EFHB: variants seen among roughly 807,000 people sequenced by gnomAD.
EFHB encodes the protein EF-hand domain family member B.
In EFHB, 91 loss-of-function variants were observed where a neutral mutation model predicts 87.2. The observed-to-expected ratio is 1.04, with a 90% confidence interval of 0.88 to 1.24. The LOEUF is 1.24. Ranked by LOEUF, EFHB falls within the 50% of genes most tolerant of loss-of-function variation. The pLI, the probability that EFHB is intolerant of heterozygous loss-of-function variation, is 0.00. For synonymous variants in EFHB, 325 were observed against 333.6 expected, an observed-to-expected ratio of 0.97 and a Z score of 0.28; for missense variants, 1,084 against 998.8, an observed-to-expected ratio of 1.09 and a Z score of -1.15.
chr3:19,928,686 C>T (rs1695718063), intron 1 of EFHB, among the ~76,000 whole-genome samples: 2 of 152,216 alleles, frequency 1.3e-5, no homozygotes, highest in African/African-American at 4.8e-5. Flanking sequence ...CTCAGGTGAT[C>T]TGTCTGCCTT....
intron 6 of EFHB, among the ~76,000 whole-genome samples, chr3:19,904,887 T>C (rs1196472946): frequency 6.6e-6 from 1 of 152,190 alleles, no homozygotes; most frequent in Non-Finnish European, 1.5e-5. Flanking sequence ...TTTTTAAGCA[T>C]AACAAGATAT....
chr3:19,899,414 A>G lies in EFHB; in HGVS notation c.1502+18T>C. ...CTATGCAAAGAAACTATCAATTTGA[A>G]GTTAATCATTAACTTACGGATCTAA... On this transcript the variant is annotated intron_variant, in intron 7 of 12. Coordinates refer to ENST00000295824, the MANE Select transcript of EFHB (RefSeq NM_144715.4). 1.3e-6 allele frequency: 2 copies of G among 1,557,050 alleles called. No homozygotes were observed. The highest frequency in any genetic ancestry group is 8.7e-7 in the Non-Finnish European group (1 of 1,144,028).
intron 6 of EFHB, among the ~76,000 whole-genome samples, chr3:19,901,091 C>T (rs1349169332): frequency 1.3e-5 from 2 of 152,046 alleles, no homozygotes; most frequent in African/African-American, 2.4e-5. Flanking sequence ...CTGGCATATA[C>T]AGCAATATAT....
Position 19,933,634 on chromosome 3 carries a change from G to GTTC in EFHB, c.384_385insGAA (p.Pro128_Pro129insGlu), listed in dbSNP as rs781008700. On this transcript the variant is annotated inframe_insertion, in exon 1 of 13. Transcript: ENST00000295824. ...GAACTTCCACACACCCTGCCCAAAG[G>GTTC]AGGCTGTATTATCCGTTCATGGGTA... is the stretch of plus-strand genomic sequence containing the variant. The GTTC allele has an allele frequency of 5.0e-6, 8 of 1,613,824 alleles. No homozygotes were observed. In the East Asian group the frequency reaches 1.8e-4, roughly 36 times the overall value.
At chr3:19,898,990 C>T (rs1278861946) in intron 7 of EFHB, 145 bp from the exon 8 acceptor site, 1 of 733,150 alleles carries the variant, frequency 1.4e-6, no homozygotes, top group African/African-American at 1.8e-5. Flanking sequence ...TCCAATAGAT[C>T]TTTTGTCTGA....
At chr3:19,918,485 T>C (rs2125150569) in intron 3 of EFHB, 73 bp from the exon 4 acceptor site, 1 of 1,357,566 alleles carries the variant, frequency 7.4e-7, no homozygotes, top group Non-Finnish European at 9.9e-7. Context: ...CCCTAATCAA[T>C]AGCTGGGGAG....
At chr3:19,885,660 T>C (rs572418494) in intron 10 of EFHB, among the ~76,000 whole-genome samples, 1 of 152,200 alleles carries the variant, frequency 6.6e-6, no homozygotes, top group African/African-American at 2.4e-5. Context: ...GCAAGTGACC[T>C]GCTGGTATTA....
intron 5 of EFHB, among the ~76,000 whole-genome samples, chr3:19,910,522 G>A (rs1345936999): frequency 2.6e-5 from 4 of 152,168 alleles, no homozygotes; most frequent in Admixed American, 6.5e-5. Context: ...GGGCCTGGGG[G>A]ACCTCACCAC....
At chr3:19,905,496 T>C in intron 6 of EFHB, 124 bp downstream of exon 6, 1 of 1,106,948 alleles carries the variant, frequency 9.0e-7, no homozygotes. Context: ...TCTATTTTTT[T>C]CTAGTCATCT....
At chr3:19,924,294 A>G (rs746590693) in intron 1 of EFHB, among the ~76,000 whole-genome samples, 5 of 150,526 alleles carry the variant, frequency 3.3e-5, no homozygotes, top group South Asian at 2.1e-4. Flanking sequence ...ACTCACTATA[A>G]CCTCCGCCTC....
At chr3:19,905,968 T>C (rs1308553584) in intron 5 of EFHB, among the ~76,000 whole-genome samples, 1 of 152,162 alleles carries the variant, frequency 6.6e-6, no homozygotes, top group Non-Finnish European at 1.5e-5. Context: ...ATACGTTGTG[T>C]TAATATTTGA....
At chr3:19,911,082 G>T (rs183013724) in intron 5 of EFHB, among the ~76,000 whole-genome samples, 108 of 152,244 alleles carry the variant, frequency 7.1e-4, no homozygotes, top group Non-Finnish European at 1.1e-3. Context: ...AGGAAAATAT[G>T]ACCTCACTAA....
intron 12 of EFHB, among the ~76,000 whole-genome samples, chr3:19,880,600 G>C (rs1239958799): frequency 6.6e-6 from 1 of 152,122 alleles, no homozygotes; most frequent in Non-Finnish European, 1.5e-5. Flanking sequence ...GTATCTAACT[G>C]GCCTGTTGGA....
intron 5 of EFHB, among the ~76,000 whole-genome samples, chr3:19,912,141 C>G (rs1223679004): frequency 6.6e-6 from 1 of 151,950 alleles, no homozygotes; most frequent in Admixed American, 6.6e-5. Context: ...AAGACTACCT[C>G]AAGACATTGA....
At chr3:19,895,795 T>C (rs1040156796) in intron 9 of EFHB, among the ~76,000 whole-genome samples, 19 of 152,176 alleles carry the variant, frequency 1.2e-4, no homozygotes, top group Non-Finnish European at 1.5e-5. Context: ...ATAAGGAAGA[T>C]GCATCTGACA....
At chr3:19,912,365 C>T (rs557923936) in intron 5 of EFHB, among the ~76,000 whole-genome samples, 2 of 152,166 alleles carry the variant, frequency 1.3e-5, no homozygotes, top group South Asian at 4.2e-4. Flanking sequence ...AAATATCCTT[C>T]ACACATGATG....
chr3:19,924,461 CTCAGCCTCCCAAAG>C (rs1695548396), intron 1 of EFHB, among the ~76,000 whole-genome samples: 1 of 152,182 alleles, frequency 6.6e-6, no homozygotes, highest in Admixed American at 6.5e-5. Context: ...ATCCTCCCTC[CTCAGCCTCCCAAAG>C]TGCTGGGATT....
chr3:19,920,078 T>C (rs1695385361), intron 2 of EFHB, 102 bp from the exon 3 acceptor site: 4 of 1,187,306 alleles, frequency 3.4e-6, no homozygotes, highest in Admixed American at 4.6e-5. Flanking sequence ...TGCATGTATG[T>C]AGTAAATGCA....
At chr3:19,904,476 C>A (rs777638140) in intron 6 of EFHB, among the ~76,000 whole-genome samples, 3 of 152,192 alleles carry the variant, frequency 2.0e-5, no homozygotes, top group Non-Finnish European at 4.4e-5. Context: ...AGCACTGGGA[C>A]TACAGGCATA....
Sources: allele counts gnomAD v4.1 joint callset (sites outside exome capture counted in the v4.1 genomes callset), GRCh38; gene constraint gnomAD v4.1.1; transcripts MANE v1.5; gene names NCBI Gene and HGNC (gene_info 2026-07-23, HGNC 2026-07-21).